The following TYW1B variants were observed in gnomAD, a reference collection of about 807,000 sequenced individuals.
The protein encoded by TYW1B is S-adenosyl-L-methionine-dependent tRNA 4-demethylwyosine synthase TYW1B.
Under a neutral mutation model 86.9 loss-of-function variants are expected in TYW1B, and 73 were observed. That is an observed-to-expected ratio of 0.84 (90% CI 0.70 to 1.02). TYW1B has a LOEUF of 1.02. Ranked by LOEUF, TYW1B falls within the 50% of genes least tolerant of loss-of-function variation. The probability of loss-of-function intolerance (pLI) is 0.00; values close to 1 mark genes in which losing one functional copy is unlikely to be tolerated. For synonymous variants in TYW1B, 248 were observed against 292.8 expected (o/e 0.85, Z 1.56); for missense variants, 637 against 827.4 (o/e 0.77, Z 2.82).
chr7:72,627,076 C>T (rs1260438280), intron 12 of TYW1B, among the ~76,000 whole-genome samples: 3 of 152,044 alleles, frequency 2.0e-5, no homozygotes, highest in African/African-American at 7.2e-5. Flanking sequence ...TAGCACAGGA[C>T]CTCCATGCAC....
At position 72,667,031 on chromosome 7, in the gene TYW1B, C is replaced by CA. The variant is rs60691255; in HGVS notation, c.1506+27655dup. Among the ~76,000 whole-genome samples, 136 of 42,356 alleles carry CA rather than the reference C, an allele frequency of 3.2e-3. 5 individuals are homozygous for CA. The highest frequency in any genetic ancestry group is 0.011 in the African/African-American group (99 of 8,826). 27.8% of individuals were successfully genotyped at this position (42,356 alleles called of 152,430 possible). ...TGGGAGAGAGAGCGAGACTCCGTCT[C>CA]AAAAAAAAAAAAAAAAAAAAGAAAC... is the stretch of plus-strand genomic sequence containing the variant. On this transcript the variant is annotated intron_variant, in intron 11 of 13. Coordinates refer to ENST00000620995, the MANE Select transcript of TYW1B (RefSeq NM_001145440.3).
intron 8 of TYW1B, among the ~76,000 whole-genome samples, chr7:72,733,364 G>T (rs1787145766): frequency 6.6e-6 from 1 of 152,094 alleles, no homozygotes; most frequent in South Asian, 2.1e-4. Flanking sequence ...ATGAACAAAG[G>T]TATAAAAATC....
intron 12 of TYW1B, among the ~76,000 whole-genome samples, chr7:72,620,395 TCAAAA>T (rs1354923124): frequency 1.3e-5 from 2 of 152,256 alleles, no homozygotes; most frequent in East Asian, 3.9e-4. Context: ...AGACTCTGTC[TCAAAA>T]CAAAACAAAA....
chr7:72,576,235 C>T (rs1176406261), intron 13 of TYW1B, among the ~76,000 whole-genome samples: 1 of 152,152 alleles, frequency 6.6e-6, no homozygotes, highest in Admixed American at 6.5e-5. Context: ...GATACAATAT[C>T]TCATTAGTGG....
At chr7:72,636,336 C>T (rs540390575) in intron 11 of TYW1B, among the ~76,000 whole-genome samples, 7 of 152,068 alleles carry the variant, frequency 4.6e-5, no homozygotes, top group East Asian at 3.9e-4. Context: ...TTTATTAAAG[C>T]GAATAATTAC....
At chr7:72,705,296 T>C (rs1479939253) in intron 10 of TYW1B, among the ~76,000 whole-genome samples, 10 of 152,182 alleles carry the variant, frequency 6.6e-5, no homozygotes, top group African/African-American at 2.4e-4. Flanking sequence ...CTCTAAAAGA[T>C]GGGGTGAATG....
rs1413488068 is a variant in TYW1B, at chr7:72,575,527, T to A, written c.1978A>T (p.Asn660Tyr). The A allele has an allele frequency of 6.2e-7, 1 of 1,613,792 alleles. No individual in the cohort carries two copies. The highest frequency in any genetic ancestry group is 2.2e-5 in the East Asian group (1 of 44,890). The change falls in exon 14 of 14, where the codon AAC becomes TAC. Residue 660 changes from asparagine (N) to tyrosine (Y), a missense_variant. Physicochemically the swap from Asn to Tyr is moderately radical, Grantham distance 143. Transcript: ENST00000620995. ...CATCCAGAAATAGCCTTTGATTTGT[T>A]CTTTCTCTGATGTCTTGTGTCCTTG... Reference protein sequence around the residue: ...DPKDTRHQRKNKSKAISGC With the variant: ...DPKDTRHQRKYKSKAISGC
intron 7 of TYW1B, among the ~76,000 whole-genome samples, chr7:72,760,012 C>G (rs1274500534): frequency 1.3e-5 from 2 of 151,824 alleles, no homozygotes; most frequent in Non-Finnish European, 2.9e-5. Context: ...CATATACACA[C>G]AAAAAAAATC....
In TYW1B at chr7:72,744,535, A is replaced by G. The variant is rs1295642649; in HGVS notation, c.1031T>C (p.Met344Thr). 9.8e-6 allele frequency: 15 copies of G among 1,532,672 alleles called. No individual in the cohort carries two copies. Among genetic ancestry groups the G allele is most frequent in the Non-Finnish European group, 1.2e-5 (14 of 1,144,480 alleles). The allele number at this position is 1,532,672 out of a possible 1,614,324, so 94.9% of individuals were successfully genotyped here. Residue 344 changes from methionine (M) to threonine (T), a missense_variant, in exon 8 of 14, where the codon ATG becomes ACG. By Grantham distance (81) the Met-to-Thr change is moderately conservative. Coordinates refer to ENST00000620995, the MANE Select transcript of TYW1B (RefSeq NM_001145440.3). The stretch of plus-strand genomic sequence containing the variant: ...ACACGCCAAGCTCGGGGTGGTTTCC[A>G]TGCAGCGATGGCTCTCATTCCATAG... Reference protein sequence around the residue: ...HILWNESHRCMETTPSLACAN... With the variant: ...HILWNESHRCTETTPSLACAN...
Position 72,818,785 on chromosome 7 carries a change from A to G in TYW1B, c.136-3304T>C, listed in dbSNP as rs548340760. ...ATGACATGGCAGGAACAAGAGAGAGAAGGAGGAGGTGCCACACACTTTTAA... is the reference window on the plus strand; with the variant it reads ...ATGACATGGCAGGAACAAGAGAGAGGAGGAGGAGGTGCCACACACTTTTAA... On this transcript the variant is annotated intron_variant, in intron 2 of 13. Coordinates refer to ENST00000620995, the MANE Select transcript of TYW1B (RefSeq NM_001145440.3). Among the ~76,000 whole-genome samples, 3 of 152,048 alleles carry G rather than the reference A, an allele frequency of 2.0e-5. No homozygotes were observed. In the South Asian group the frequency reaches 6.2e-4, roughly 32 times the overall value.
chr7:72,630,874 T>C (rs1812470149), intron 11 of TYW1B, among the ~76,000 whole-genome samples: 2 of 152,084 alleles, frequency 1.3e-5, no homozygotes, highest in East Asian at 3.9e-4. Context: ...TGCAGACCTA[T>C]CTCACTCATA....
At chr7:72,783,605 C>A (rs1894769) in intron 6 of TYW1B, among the ~76,000 whole-genome samples, 2 of 152,126 alleles carry the variant, frequency 1.3e-5, no homozygotes, top group African/African-American at 2.4e-5. Context: ...CACTGGTCAC[C>A]GTTCAGTTTT....
chr7:72,799,911 TA>T (rs1333060629), intron 6 of TYW1B, among the ~76,000 whole-genome samples: 1 of 152,212 alleles, frequency 6.6e-6, no homozygotes, highest in Non-Finnish European at 1.5e-5. Flanking sequence ...ATAAATTTAA[TA>T]TTTTTTCATT....
At chr7:72,602,043 C>T (rs1811679635) in intron 13 of TYW1B, among the ~76,000 whole-genome samples, 1 of 152,066 alleles carries the variant, frequency 6.6e-6, no homozygotes. Flanking sequence ...TTAATGTATG[C>T]AAATTTTTTT....
chr7:72,727,181 C>A (rs1787015414), intron 9 of TYW1B, among the ~76,000 whole-genome samples: 1 of 152,120 alleles, frequency 6.6e-6, no homozygotes, highest in Non-Finnish European at 1.5e-5. Context: ...GTGGCCAGAA[C>A]AGAACAAATT....
chr7:72,664,875 A>C lies in TYW1B; in HGVS notation c.1506+29812T>G, dbSNP rs1813424273. On this transcript the variant is annotated intron_variant, in intron 11 of 13. Transcript: ENST00000620995. ...CATGGATGCTCCAGTTTCTTATATAAAATGATGTCATATTTGCATTTAATC... is the reference window on the plus strand; with the variant it reads ...CATGGATGCTCCAGTTTCTTATATACAATGATGTCATATTTGCATTTAATC... Among the ~76,000 whole-genome samples, 4 of 152,296 alleles carry C rather than the reference A, an allele frequency of 2.6e-5. No individual in the cohort carries two copies. In the South Asian group the frequency reaches 8.3e-4, roughly 32 times the overall value.
intron 6 of TYW1B, among the ~76,000 whole-genome samples, chr7:72,789,158 C>G (rs574925071): frequency 1.4e-5 from 2 of 146,218 alleles, no homozygotes; most frequent in Non-Finnish European, 3.0e-5. Flanking sequence ...TATTTTGAGA[C>G]AGTCTCACTC....
At chr7:72,698,720 C>T (rs1457781777) in intron 10 of TYW1B, among the ~76,000 whole-genome samples, 1 of 151,970 alleles carries the variant, frequency 6.6e-6, no homozygotes, top group Non-Finnish European at 1.5e-5. Flanking sequence ...CAGAGATGAA[C>T]CCAGAGCCTT....
chr7:72,756,159 G>A (rs1020088972), intron 7 of TYW1B, among the ~76,000 whole-genome samples: 31 of 151,836 alleles, frequency 2.0e-4, no homozygotes, highest in African/African-American at 6.8e-4. Context: ...AGTCAAGCAT[G>A]GTTGGAGAAG....
Sources: gnomAD v4.1 joint callset for allele counts (sites outside exome capture counted in the v4.1 genomes callset) on GRCh38, gnomAD v4.1.1 for gene constraint, MANE v1.5 for transcripts, NCBI Gene and HGNC (gene_info 2026-07-23, HGNC 2026-07-21) for gene names.